Variants in PLB1 observed in about 807,000 individuals in gnomAD.
PLB1 encodes the protein phospholipase B1, membrane-associated.
In PLB1, 242 loss-of-function variants were observed where a neutral mutation model predicts 227.4. That is an observed-to-expected ratio of 1.06 (90% CI 0.96 to 1.18). PLB1 has a LOEUF of 1.18. Ranked by LOEUF, PLB1 falls within the 50% of genes most tolerant of loss-of-function variation. PLB1 has a pLI of 0.00. For missense variants in PLB1, 1,858 were observed against 1,816.3 expected (o/e 1.02, Z -0.42); for synonymous variants, 757 against 682.2 (o/e 1.11, Z -1.71).
chr2:28,548,596 T>C, intron 14 of PLB1: 1 of 534,480 alleles, frequency 1.9e-6, no homozygotes, highest in Non-Finnish European at 3.6e-6. Flanking sequence ...TATATATATA[T>C]ATATAAAACC....
In PLB1 at chr2:28,578,159, G is replaced by A. The variant is rs1390569203; in HGVS notation, c.1485+1G>A. 1 of 1,613,984 alleles carries A rather than the reference G, an allele frequency of 6.2e-7. No homozygotes were observed. Among genetic ancestry groups the A allele is most frequent in the East Asian group, 2.2e-5 (1 of 44,880 alleles). ...GGTGGACCTGATGAAGAATGACACGGTGGGTCCCTGGGATGGGAAGTAGGC... is the reference window on the plus strand; with the variant it reads ...GGTGGACCTGATGAAGAATGACACGATGGGTCCCTGGGATGGGAAGTAGGC... On this transcript the variant is annotated splice_donor_variant, in intron 22 of 57. Transcript: ENST00000327757. LOFTEE classifies it high-confidence loss of function.
intron 29 of PLB1, among the ~76,000 whole-genome samples, chr2:28,590,508 G>C (rs998062701): frequency 6.6e-6 from 1 of 152,146 alleles, no homozygotes; most frequent in African/African-American, 2.4e-5. Context: ...TAGTTGGGTG[G>C]TGGGGAGTAA....
chr2:28,559,238 A>T (rs1675644407), intron 17 of PLB1, among the ~76,000 whole-genome samples: 1 of 152,232 alleles, frequency 6.6e-6, no homozygotes, highest in East Asian at 1.9e-4. Context: ...GACTGGCAGC[A>T]TCAGCATTAC....
chr2:28,601,465 C>A, intron 37 of PLB1, 133 bp downstream of exon 37: 1 of 645,652 alleles, frequency 1.5e-6, no homozygotes, highest in South Asian at 1.7e-5. Flanking sequence ...CACATATACA[C>A]ATACCACACA....
intron 4 of PLB1, among the ~76,000 whole-genome samples, chr2:28,522,342 C>T (rs1440578216): frequency 6.6e-6 from 1 of 152,074 alleles, no homozygotes; most frequent in African/African-American, 2.4e-5. Context: ...CACCCGCATT[C>T]TCTCTTATCG....
chr2:28,555,057 C>A (rs1303837833), intron 17 of PLB1, among the ~76,000 whole-genome samples: 1 of 151,882 alleles, frequency 6.6e-6, no homozygotes, highest in African/African-American at 2.4e-5. Context: ...ACTTCTGAGT[C>A]TCACCTGGAA....
chr2:28,589,742 G>A lies in PLB1; in HGVS notation c.1988G>A (p.Arg663Gln), dbSNP rs765096896. Reference sequence around the variant, plus strand: ...CACTTCAGCAGCAAGTCTCACTCCCGAGCAGCCAGTGCTCTCTGGAACAAT... The same window carrying A: ...CACTTCAGCAGCAAGTCTCACTCCCAAGCAGCCAGTGCTCTCTGGAACAAT... ...CFHFSSKSHS[R>Q]AASALWNNML... is the part of the protein sequence containing the mutation. Residue 663 changes from arginine (R) to glutamine (Q), a missense_variant, in exon 28 of 58, where the codon CGA (arginine) becomes CAA (glutamine). Physicochemically the swap from Arg to Gln is conservative, Grantham distance 43 (BLOSUM62 1). Coordinates refer to ENST00000327757, the MANE Select transcript of PLB1 (RefSeq NM_153021.5). 17 of 1,613,600 alleles carry A rather than the reference G, an allele frequency of 1.1e-5. No individual in the cohort carries two copies. Among genetic ancestry groups the A allele is most frequent in the East Asian group, 8.9e-5 (4 of 44,894 alleles).
At chr2:28,578,912 A>T (rs1679455669) in intron 22 of PLB1, among the ~76,000 whole-genome samples, 1 of 116,310 alleles carries the variant, frequency 8.6e-6, no homozygotes, top group Admixed American at 8.4e-5. Flanking sequence ...AGGGAAGCAA[A>T]GCTATGTAGG....
Position 28,548,919 on chromosome 2 carries a change from G to T in PLB1, c.996G>T (p.Lys332Asn), listed in dbSNP as rs775143122. ...PLSVKHGRPM[K>N]CPSQESPYLF... Reference sequence around the variant, plus strand: ...GTGTAAAACACGGGAGGCCAATGAAGTGTCCCTCTCAGGTAGGAGGGACTG... The same window carrying T: ...GTGTAAAACACGGGAGGCCAATGAATTGTCCCTCTCAGGTAGGAGGGACTG... The change falls in exon 15 of 58, where the codon AAG (lysine) becomes AAT (asparagine). Residue 332 changes from lysine (K) to asparagine (N), a missense_variant. Transcript: ENST00000327757. 9.3e-6 allele frequency: 15 copies of T among 1,613,954 alleles called. No homozygotes were observed. The highest frequency in any genetic ancestry group is 1.7e-5 in the Admixed American group (1 of 59,996).
chr2:28,611,554 A>G (rs1314155538), intron 43 of PLB1, among the ~76,000 whole-genome samples: 1 of 151,966 alleles, frequency 6.6e-6, no homozygotes, highest in African/African-American at 2.4e-5. Flanking sequence ...TCAGCTTCTC[A>G]AGTCTGTCTC....
At chr2:28,546,529 C>T (rs537577040) in intron 14 of PLB1, among the ~76,000 whole-genome samples, 46 of 152,314 alleles carry the variant, frequency 3.0e-4, no homozygotes, top group African/African-American at 9.9e-4. Flanking sequence ...AGACCAGCCC[C>T]GGTTGTCCCT....
intron 1 of PLB1, among the ~76,000 whole-genome samples, chr2:28,513,428 C>T (rs1281669813): frequency 1.3e-5 from 2 of 152,236 alleles, no homozygotes; most frequent in East Asian, 3.8e-4. Flanking sequence ...GGTCCCCCCT[C>T]CTCAATGGGT....
chr2:28,572,289 A>C (rs1678139860), intron 20 of PLB1, among the ~76,000 whole-genome samples: 1 of 152,246 alleles, frequency 6.6e-6, no homozygotes, highest in South Asian at 2.1e-4. Context: ...AAGCCCTTGT[A>C]AACTGCTGGT....
chr2:28,508,877 GAGTGA>G (rs1229501618), intron 1 of PLB1, among the ~76,000 whole-genome samples: 1 of 152,224 alleles, frequency 6.6e-6, no homozygotes, highest in Non-Finnish European at 1.5e-5. Context: ...GTGCACTGAA[GAGTGA>G]CCTCAGTGCC....
intron 43 of PLB1, among the ~76,000 whole-genome samples, chr2:28,608,325 A>G (rs1053817254): frequency 2.6e-5 from 4 of 152,208 alleles, no homozygotes; most frequent in Non-Finnish European, 5.9e-5. Flanking sequence ...AAAGTCCACC[A>G]GCATCTCAGT....
intron 41 of PLB1, 138 bp downstream of exon 41, chr2:28,604,897 C>T (rs1684445524): frequency 1.3e-6 from 1 of 743,832 alleles, no homozygotes; most frequent in Admixed American, 2.7e-5. Flanking sequence ...GTGCAGGCTC[C>T]CTGAACGCCT....
intron 56 of PLB1, among the ~76,000 whole-genome samples, chr2:28,635,063 C>T (rs939188385): frequency 2.0e-5 from 3 of 152,130 alleles, no homozygotes; most frequent in Admixed American, 2.0e-4. Context: ...AAACACCGCA[C>T]TGGAGCTATT....
At chr2:28,509,110 C>A (rs1667950721) in intron 1 of PLB1, among the ~76,000 whole-genome samples, 1 of 152,146 alleles carries the variant, frequency 6.6e-6, no homozygotes, top group Admixed American at 6.5e-5. Flanking sequence ...AGATTAGATG[C>A]TTAATCAAGG....
chr2:28,592,366 C>T (rs555967184), intron 31 of PLB1, among the ~76,000 whole-genome samples: 3 of 152,018 alleles, frequency 2.0e-5, no homozygotes, highest in African/African-American at 7.2e-5. Flanking sequence ...TGCCCTCCCT[C>T]CCACCTTTCC....
Sources: allele counts gnomAD v4.1 joint callset (sites outside exome capture counted in the v4.1 genomes callset), GRCh38; gene constraint gnomAD v4.1.1; transcripts MANE v1.5; gene names NCBI Gene and HGNC (gene_info 2026-07-23, HGNC 2026-07-21).